The following TMEM87A variants were observed in gnomAD, a reference collection of about 807,000 sequenced individuals.
TMEM87A encodes the protein transmembrane protein 87A.
TMEM87A carries 50 observed loss-of-function variants against 90.0 expected under a neutral mutation model. The ratio of observed to expected loss-of-function variants is 0.56; its 90% confidence interval spans 0.44 to 0.70. TMEM87A has a LOEUF of 0.70. Ranked by LOEUF, TMEM87A falls within the 30% of genes least tolerant of loss-of-function variation. The pLI is 0.00. For missense variants in TMEM87A, 577 were observed against 660.5 expected (o/e 0.87, Z 1.39); for synonymous variants, 226 against 226.7 (o/e 1.00, Z 0.03).
At chr15:42,258,148 G>A (rs1393841314) in intron 6 of TMEM87A, 3 of 977,144 alleles carry the variant, frequency 3.1e-6, no homozygotes, top group African/African-American at 3.5e-5. Flanking sequence ...CATACAATAA[G>A]ACACTATACA....
At chr15:42,271,997 A>C in intron 2 of TMEM87A, 66 bp downstream of exon 2, 1 of 1,273,256 alleles carries the variant, frequency 7.9e-7, no homozygotes, top group Non-Finnish European at 1.1e-6. Flanking sequence ...TAAAATAGGT[A>C]ATTTAAAACA....
chr15:42,267,420 C>T (rs116306045), intron 3 of TMEM87A, among the ~76,000 whole-genome samples: 2,167 of 152,186 alleles, frequency 0.014, 47 homozygotes, highest in African/African-American at 0.05. Flanking sequence ...TCTGAAAAGG[C>T]CATTAAAATA....
Position 42,237,608 on chromosome 15 carries a change from A to G in TMEM87A, c.692T>C (p.Met231Thr), listed in dbSNP as rs1472752846. The change falls in exon 9 of 20, where the codon ATG (methionine) becomes ACG (threonine). Residue 231 changes from methionine to threonine, a missense_variant. Coordinates refer to ENST00000389834, the MANE Select transcript of TMEM87A (RefSeq NM_015497.5). ...LEDYPLMIFF[M>T]VMCIVYVLFG... ...CAGGACATATACAATACACATCACC[A>G]TGAAAAACTGTTATCAAATTGGGTA... 6.3e-7 allele frequency: 1 copy of G among 1,578,838 alleles called. No homozygotes were observed. Among genetic ancestry groups the G allele is most frequent in the Non-Finnish European group, 8.6e-7 (1 of 1,160,988 alleles).
intron 19 of TMEM87A, among the ~76,000 whole-genome samples, chr15:42,216,961 CTTTT>C (rs200586475): frequency 1.4e-5 from 2 of 138,360 alleles, no homozygotes; most frequent in Non-Finnish European, 3.1e-5. Context: ...TTTTTCTTTT[CTTTT>C]TTTTTTTTTT....
chr15:42,220,046 T>G lies in TMEM87A; in HGVS notation c.1477+16A>C. The G allele has an allele frequency of 6.3e-7, 1 of 1,576,858 alleles. No homozygotes were observed. Among genetic ancestry groups the G allele is most frequent in the East Asian group, 2.2e-5 (1 of 44,490 alleles). On this transcript the variant is annotated intron_variant, in intron 16 of 19. Coordinates refer to ENST00000389834, the MANE Select transcript of TMEM87A (RefSeq NM_015497.5). ...TAATATTTAAAGTACTAATAAGAGG[T>G]GAATTTTATTATTACCAAAGCTTTC...
In TMEM87A at chr15:42,273,399, C is replaced by T. The variant is rs1420031517; in HGVS notation, c.-1G>A. 5.6e-6 allele frequency: 9 copies of T among 1,614,008 alleles called. No individual in the cohort carries two copies. Among genetic ancestry groups the T allele is most frequent in the Admixed American group, 1.7e-5 (1 of 60,030 alleles). Reference sequence around the variant, plus strand: ...CCTGAAGCCACGCAGCCGCCGCCATCTTCACAGCCGTGGAGTGCCTACCGA... The same window carrying T: ...CCTGAAGCCACGCAGCCGCCGCCATTTTCACAGCCGTGGAGTGCCTACCGA... On this transcript the variant is annotated 5_prime_UTR_variant, in exon 1 of 20. Coordinates refer to ENST00000389834, the MANE Select transcript of TMEM87A (RefSeq NM_015497.5).
chr15:42,224,500 A>C (rs1410885905), intron 15 of TMEM87A: 1 of 152,216 alleles, frequency 6.6e-6, no homozygotes, highest in African/African-American at 2.4e-5. Flanking sequence ...CAGGAAAGAA[A>C]ATACAGATTT....
At chr15:42,271,797 TTAATATATACATTATATATAC>T (rs2051532064) in intron 2 of TMEM87A, among the ~76,000 whole-genome samples, 1 of 150,842 alleles carries the variant, frequency 6.6e-6, no homozygotes, top group African/African-American at 2.4e-5. Context: ...AGCATATATA[TTAATATATACATTATATATAC>T]TAATATATAA....
chr15:42,273,450 T>TC, upstream of TMEM87A: 1 of 1,607,546 alleles, frequency 6.2e-7, no homozygotes, highest in African/African-American at 1.3e-5. Context: ...TTCCGGTTCG[T>TC]CCCGCCTTCT....
chr15:42,253,402 G>C (rs1380342227), intron 6 of TMEM87A, among the ~76,000 whole-genome samples: 1 of 152,086 alleles, frequency 6.6e-6, no homozygotes, highest in Non-Finnish European at 1.5e-5. Flanking sequence ...TATCCCCACT[G>C]TTATCCCCTT....
At chr15:42,239,820 GA>G in intron 7 of TMEM87A, 89 bp from the exon 8 acceptor site, 1 of 1,073,688 alleles carries the variant, frequency 9.3e-7, no homozygotes. Flanking sequence ...AACTTAGTAA[GA>G]ATTTCATTGG....
At chr15:42,266,977 C>A (rs1358001263) in intron 3 of TMEM87A, among the ~76,000 whole-genome samples, 1 of 152,130 alleles carries the variant, frequency 6.6e-6, no homozygotes. Context: ...AAATGGGCAA[C>A]AGAGGCTGTC....
intron 13 of TMEM87A, 63 bp from the exon 14 acceptor site, chr15:42,227,832 C>T (rs1221873008): frequency 1.4e-6 from 2 of 1,475,902 alleles, no homozygotes; most frequent in Non-Finnish European, 1.9e-6. Context: ...AATTACATTC[C>T]CCCATTTCCG....
chr15:42,272,183 T>A (rs1482013879), intron 1 of TMEM87A, 60 bp from the exon 2 acceptor site: 1 of 1,242,688 alleles, frequency 8.0e-7, no homozygotes, highest in African/African-American at 1.5e-5. Context: ...AAGCATCATA[T>A]AACTATCTAA....
At chr15:42,262,438 CTTTTTTTT>C (rs146641481) in intron 4 of TMEM87A, among the ~76,000 whole-genome samples, 1 of 125,898 alleles carries the variant, frequency 7.9e-6, no homozygotes, top group Non-Finnish European at 1.7e-5. Context: ...TCAATTATCC[CTTTTTTTT>C]TTTTTTTTTT....
chr15:42,227,161 C>T (rs756519597), intron 14 of TMEM87A, among the ~76,000 whole-genome samples: 6 of 152,072 alleles, frequency 3.9e-5, no homozygotes, highest in Non-Finnish European at 7.3e-5. Context: ...CTTCATCATC[C>T]CTCTGAGAAG....
intron 6 of TMEM87A, among the ~76,000 whole-genome samples, chr15:42,252,100 GA>G (rs993001336): frequency 5.9e-5 from 9 of 152,228 alleles, no homozygotes; most frequent in Non-Finnish European, 1.2e-4. Context: ...AAGACTGTTG[GA>G]AAAATGCAGT....
intron 14 of TMEM87A, 66 bp downstream of exon 14, chr15:42,227,645 A>C: frequency 1.4e-6 from 2 of 1,444,352 alleles, no homozygotes; most frequent in Non-Finnish European, 1.9e-6. Context: ...GAACCTTACC[A>C]CTGTCATCAA....
chr15:42,233,488 A>G (rs113711505), intron 10 of TMEM87A, among the ~76,000 whole-genome samples, 182 bp from the exon 11 acceptor site: 1 of 152,222 alleles, frequency 6.6e-6, no homozygotes, highest in Non-Finnish European at 1.5e-5. Context: ...AGGGAACACT[A>G]CAACTTGAGA....
Sources: gnomAD v4.1 joint callset for allele counts (sites outside exome capture counted in the v4.1 genomes callset) on GRCh38, gnomAD v4.1.1 for gene constraint, MANE v1.5 for transcripts, NCBI Gene and HGNC (gene_info 2026-07-23, HGNC 2026-07-21) for gene names.